Variants in PER2 observed in about 807,000 individuals in gnomAD.
PER2 encodes period circadian protein homolog 2.
A neutral mutation model predicts 121.0 loss-of-function variants in PER2; 66 were observed. That is an observed-to-expected ratio of 0.55 (90% confidence interval 0.45 to 0.67). PER2 has a LOEUF of 0.67. PER2 is among the 30% of genes least tolerant of loss of function. The pLI, the probability that PER2 is intolerant of heterozygous loss-of-function variation, is 0.00. For missense variants in PER2, 1,521 were observed against 1,635.0 expected (o/e 0.93, Z 1.20); for synonymous variants, 684 against 659.9 (o/e 1.04, Z -0.56).
chr2:238,276,469 A>G (rs1696459357), intron 3 of PER2, among the ~76,000 whole-genome samples: 1 of 152,262 alleles, frequency 6.6e-6, no homozygotes, highest in Non-Finnish European at 1.5e-5. Context: ...AGTCTGGTGC[A>G]GTGGACTGTG....
At chr2:238,248,245 G>A (rs1259416257) in intron 22 of PER2, among the ~76,000 whole-genome samples, 1 of 152,218 alleles carries the variant, frequency 6.6e-6, no homozygotes, top group Admixed American at 6.5e-5. Context: ...ATGGTCCCTG[G>A]GACGAGGACT....
intron 20 of PER2, 38 bp downstream of exon 20, chr2:238,251,561 C>T: frequency 6.3e-7 from 1 of 1,599,518 alleles, no homozygotes; most frequent in Non-Finnish European, 8.6e-7. Context: ...CCTGCAGGAA[C>T]CTCCCAAGTG....
intron 6 of PER2, among the ~76,000 whole-genome samples, chr2:238,270,652 C>T (rs1339920785): frequency 1.3e-5 from 2 of 152,220 alleles, no homozygotes; most frequent in South Asian, 4.1e-4. Flanking sequence ...GGCCCAGAGG[C>T]AGGCACACCC....
Position 238,268,943 on chromosome 2 carries a change from T to C in PER2, c.804A>G (p.Lys268=). Residue 268 remains lysine, a synonymous_variant, in exon 7 of 23, where the codon AAA becomes AAG. Coordinates refer to ENST00000254657, the MANE Select transcript of PER2 (RefSeq NM_022817.3). This position sits in a 1 kb window ranked among gnomAD's most constrained non-coding sequence, Gnocchi z 4.0. ...DSFTQECMEE[K]SFFCRVSVRK... is the part of the protein sequence containing the mutation. ...CTTACCTGACACGGCAAAAGAAAGA[T>C]TTCTCCTCCATGCATTCTTGAGTAA... The C allele has an allele frequency of 1.2e-6, 2 of 1,612,936 alleles. No homozygotes were observed. The highest frequency in any genetic ancestry group is 2.2e-5 in the South Asian group (2 of 91,066).
intron 1 of PER2, among the ~76,000 whole-genome samples, chr2:238,280,662 T>C (rs1449724693): frequency 2.0e-5 from 3 of 151,908 alleles, no homozygotes; most frequent in Non-Finnish European, 4.4e-5. Context: ...ACTTTTAAAA[T>C]GCAAAGGGAA....
chr2:238,262,262 GGT>G lies in PER2; in HGVS notation c.1234_1235del (p.Thr412GlnfsTer29). 2 of 1,613,850 alleles carry G rather than the reference GGT, an allele frequency of 1.2e-6. No homozygotes were observed. Among genetic ancestry groups the G allele is most frequent in the Non-Finnish European group, 8.5e-7 (1 of 1,179,810 alleles). On this transcript the variant is annotated frameshift_variant, in exon 11 of 23. Transcript: ENST00000254657. LOFTEE classifies it high-confidence loss of function. ...ATGGGTTGATGAAGCTGGACCAGCT[GGT>G]GTCCAACGTGATGTACTCTCCGTTC... is the stretch of plus-strand genomic sequence containing the variant. ...ARNGEYITLD[T>X]SWSSFINPWS...
chr2:238,286,321 G>A (rs1365566166), intron 1 of PER2, among the ~76,000 whole-genome samples: 1 of 152,110 alleles, frequency 6.6e-6, no homozygotes, highest in African/African-American at 2.4e-5. Context: ...GGTTCAGCAC[G>A]GCAGCTCACT....
rs2304668 is a variant in PER2, at chr2:238,259,807, G to A, written c.1627+162C>T. Among the ~76,000 whole-genome samples, 10,414 of 152,274 alleles carry A rather than the reference G, an allele frequency of 0.068. 506 individuals carry two copies. Among genetic ancestry groups the A allele is most frequent in the South Asian group, 0.13 (614 of 4,828 alleles). ...CTGAGTGCAGGACTGGGCTGCTCTCGCCTCTTGGAAGCTGCAGACTGTGCT... is the reference window on the plus strand; with the variant it reads ...CTGAGTGCAGGACTGGGCTGCTCTCACCTCTTGGAAGCTGCAGACTGTGCT... On this transcript the variant is annotated intron_variant, in intron 14 of 22. Coordinates refer to ENST00000254657, the MANE Select transcript of PER2 (RefSeq NM_022817.3).
intron 18 of PER2, 166 bp downstream of exon 18, chr2:238,255,491 G>A: frequency 2.7e-6 from 2 of 752,388 alleles, no homozygotes; most frequent in South Asian, 3.0e-5. Context: ...CCCCCGGTGG[G>A]AAGTTCTACA....
At position 238,274,692 on chromosome 2, in the gene PER2, C is replaced by T. The variant is rs77405119; in HGVS notation, c.448+1051G>A. 9.2e-5 allele frequency among the ~76,000 whole-genome samples: 14 copies of T among 152,318 alleles called. No individual in the cohort carries two copies. The East Asian group carries it at 2.7e-3, about 29-fold the overall frequency. On this transcript the variant is annotated intron_variant, in intron 4 of 22. Coordinates refer to ENST00000254657, the MANE Select transcript of PER2 (RefSeq NM_022817.3). ...AGGGGGCCTCCACAGGCACGCAGGC[C>T]CAGAGCGGTGCCCTCCATGGTGGGG...
chr2:238,259,230 C>T (rs1396135658), intron 14 of PER2, among the ~76,000 whole-genome samples: 5 of 152,220 alleles, frequency 3.3e-5, no homozygotes, highest in East Asian at 1.9e-4. Context: ...AAAGTCCTAG[C>T]GGTGTCTGGC....
At chr2:238,258,176 C>G (rs1397342430) in intron 16 of PER2, 100 bp downstream of exon 16, 5 of 1,310,584 alleles carry the variant, frequency 3.8e-6, no homozygotes, top group African/African-American at 1.5e-5. Flanking sequence ...AAACAGCCTA[C>G]ACCCTTACAC....
chr2:238,261,521 GA>G (rs1489023683), intron 12 of PER2: 5 of 611,542 alleles, frequency 8.2e-6, no homozygotes, highest in Non-Finnish European at 1.2e-5. Flanking sequence ...AGACAAGGTC[GA>G]ATGCAAGGCT....
intron 10 of PER2, 110 bp downstream of exon 10, chr2:238,262,842 G>A (rs1695976850): frequency 2.6e-6 from 2 of 774,558 alleles, no homozygotes; most frequent in African/African-American, 1.7e-5. Context: ...CCACCTGCTT[G>A]TCCTTAGCTG....
chr2:238,252,453 T>C lies in PER2; in HGVS notation c.3111+459A>G, dbSNP rs916319746. Reference sequence around the variant, plus strand: ...GGTTAAGAATCTCACACAGTGTCCCTACGCCTGCGGAGGATGGAAACTGAG... The same window carrying C: ...GGTTAAGAATCTCACACAGTGTCCCCACGCCTGCGGAGGATGGAAACTGAG... On this transcript the variant is annotated intron_variant, in intron 19 of 22. Transcript: ENST00000254657. The surrounding 1 kb of genome is among the most constrained non-coding windows in gnomAD (Gnocchi z 4.2). Among the ~76,000 whole-genome samples, 4 of 152,222 alleles carry C rather than the reference T, an allele frequency of 2.6e-5. No homozygotes were observed. Among genetic ancestry groups the C allele is most frequent in the African/African-American group, 9.7e-5 (4 of 41,446 alleles).
In PER2 at chr2:238,246,419, C is replaced by T. The variant is rs760214421; in HGVS notation, c.3724G>A (p.Glu1242Lys). The change falls in exon 23 of 23, where the codon GAA becomes AAA. Residue 1242 changes from glutamate (E) to lysine (K), a missense_variant. Glu to Lys is a moderately conservative substitution (Grantham distance 56). Transcript: ENST00000254657. ...CTGTGATTCAAGGGGGATCCATTTT[C>T]GTCTTCTTTGGTGTCCGACACTTCG... ...LSEVSDTKEDENGSPLNHRIE... is the reference protein window; with the variant it reads ...LSEVSDTKEDKNGSPLNHRIE... 9 of 1,612,748 alleles carry T rather than the reference C, an allele frequency of 5.6e-6. No homozygotes were observed. The highest frequency in any genetic ancestry group is 4.0e-5 in the African/African-American group (3 of 74,884).
intron 18 of PER2, 180 bp downstream of exon 18, chr2:238,255,477 C>G: frequency 1.4e-6 from 1 of 695,414 alleles, no homozygotes. Flanking sequence ...ATCCCGAGAG[C>G]ACCCCCCCGG....
chr2:238,287,054 C>T (rs1437802195), intron 1 of PER2, among the ~76,000 whole-genome samples: 1 of 152,194 alleles, frequency 6.6e-6, no homozygotes, highest in Non-Finnish European at 1.5e-5. Flanking sequence ...CTGAGCCCCT[C>T]CAAACAAACA....
Position 238,269,032 on chromosome 2 carries a change from C to G in PER2, c.773-58G>C, listed in dbSNP as rs1696201878. The G allele has an allele frequency of 3.1e-6, 4 of 1,294,710 alleles. 1 individual carries two copies. In the South Asian group the frequency reaches 4.8e-5, roughly 15 times the overall value. The allele number at this position is 1,294,710 out of a possible 1,614,324, so 80.2% of individuals were successfully genotyped here. A position where few individuals can be genotyped will look rare whatever the true frequency, so the allele number is the denominator to read the frequency against. ...ACCAACAACTAAATACAGTGTTCCT[C>G]ATTTCTCACAAACAAAAGAGGAGCA... On this transcript the variant is annotated intron_variant, in intron 6 of 22. Transcript: ENST00000254657.
Sources: allele counts gnomAD v4.1 joint callset (sites outside exome capture counted in the v4.1 genomes callset), GRCh38; gene constraint gnomAD v4.1.1; non-coding constraint Gnocchi (gnomAD v3.1); transcripts MANE v1.5; gene names NCBI Gene and HGNC (gene_info 2026-07-23, HGNC 2026-07-21).